Variants in PCLO observed in about 807,000 individuals in gnomAD.
PCLO encodes piccolo presynaptic cytomatrix protein, also known as protein piccolo.
PCLO carries 82 observed loss-of-function variants against 427.5 expected under a neutral mutation model. That is an observed-to-expected ratio of 0.19 (90% CI 0.16 to 0.23). PCLO has a LOEUF of 0.23. PCLO is among the 10% of genes least tolerant of loss of function. The probability of loss-of-function intolerance (pLI) is 1.00; values close to 1 mark genes in which losing one functional copy is unlikely to be tolerated. For missense variants in PCLO, 6,239 were observed against 6,115.9 expected (o/e 1.02, Z -0.67); for synonymous variants, 2,357 against 2,155.4 (o/e 1.09, Z -2.59).
intron 7 of PCLO, among the ~76,000 whole-genome samples, chr7:82,913,451 G>A (rs568413384): frequency 1.3e-5 from 2 of 151,938 alleles, no homozygotes; most frequent in African/African-American, 4.8e-5. Context: ...TAGTTCTTTG[G>A]AGTCTCTAAA....
chr7:82,956,221 T>C lies in PCLO; in HGVS notation c.4732A>G (p.Ile1578Val). ...CTAATCTCTTTGAGCTGGTTTCTGA[T>C]GAACTCATCATCTTCAGAACCTGAA... The part of the protein sequence containing the change: ...DASGSEDDEF[I>V]RNQLKEISSS... Residue 1578 changes from isoleucine (I) to valine (V), a missense_variant, in exon 5 of 25, where the codon ATC becomes GTC. Ile to Val is a conservative substitution (Grantham distance 29). This residue lies in a region of PCLO where 4,677 missense variants were observed against 4,468.4 expected (regional missense o/e 1.05). Coordinates refer to ENST00000333891, the MANE Select transcript of PCLO (RefSeq NM_033026.6). 3 of 1,610,932 alleles carry C rather than the reference T, an allele frequency of 1.9e-6. No homozygotes were observed. The highest frequency in any genetic ancestry group is 2.5e-6 in the Non-Finnish European group (3 of 1,179,846).
At chr7:82,929,992 G>C (rs895651838) in intron 6 of PCLO, among the ~76,000 whole-genome samples, 8 of 152,126 alleles carry the variant, frequency 5.3e-5, no homozygotes, top group Non-Finnish European at 1.2e-4. Flanking sequence ...AGCTTTCAGA[G>C]CTTAGAAAAA....
In PCLO at chr7:82,906,714, T is replaced by C. The variant is rs184455981; in HGVS notation, c.13437+2163A>G. 1.2e-3 allele frequency among the ~76,000 whole-genome samples: 189 copies of C among 152,142 alleles called. 2 individuals are homozygous for C. Among genetic ancestry groups the C allele is most frequent in the Non-Finnish European group, 9.3e-4 (63 of 67,972 alleles). On this transcript the variant is annotated intron_variant, in intron 8 of 24. Coordinates refer to ENST00000333891, the MANE Select transcript of PCLO (RefSeq NM_033026.6). The stretch of plus-strand genomic sequence containing the variant: ...ACAGGCAATGTTCCTTTTTTTGGCC[T>C]GTGTGGCGGTTTCATGGCTGTTCAC...
At chr7:82,834,270 C>G (rs768099497) in intron 16 of PCLO, among the ~76,000 whole-genome samples, 1 of 152,032 alleles carries the variant, frequency 6.6e-6, no homozygotes, top group Non-Finnish European at 1.5e-5. Context: ...AAAAATAACA[C>G]TATTTCTTTG....
chr7:82,820,560 C>T (rs1249990867), intron 20 of PCLO: 13 of 1,226,522 alleles, frequency 1.1e-5, no homozygotes, highest in Non-Finnish European at 1.3e-5. Flanking sequence ...CACTTAACAA[C>T]TATGGAAACA....
intron 3 of PCLO, among the ~76,000 whole-genome samples, chr7:83,001,852 G>A (rs935555233): frequency 5.9e-5 from 9 of 151,912 alleles, no homozygotes; most frequent in South Asian, 2.1e-4. Context: ...CTCTGCTTGC[G>A]CTGTTTGTTG....
intron 6 of PCLO, among the ~76,000 whole-genome samples, chr7:82,925,763 A>C (rs1364984694): frequency 1.6e-5 from 2 of 124,552 alleles, no homozygotes; most frequent in Non-Finnish European, 3.1e-5. Flanking sequence ...TCTGTTGTCC[A>C]GGCTGAAGTG....
At chr7:82,768,559 C>A (rs1193491834) in intron 22 of PCLO, among the ~76,000 whole-genome samples, 2 of 151,570 alleles carry the variant, frequency 1.3e-5, no homozygotes, top group Non-Finnish European at 2.9e-5. Context: ...TCATTTTTTC[C>A]TTAAAATACA....
At chr7:82,973,236 A>G (rs1320887277) in intron 3 of PCLO, among the ~76,000 whole-genome samples, 8 of 152,092 alleles carry the variant, frequency 5.3e-5, no homozygotes, top group Non-Finnish European at 4.4e-5. Flanking sequence ...GTCCCTTCAA[A>G]AAATAAATGA....
At chr7:83,041,808 T>C (rs1294857809) in intron 3 of PCLO, among the ~76,000 whole-genome samples, 4 of 152,184 alleles carry the variant, frequency 2.6e-5, no homozygotes, top group Non-Finnish European at 5.9e-5. Context: ...CCTAAAGAAA[T>C]GAAAATATTA....
chr7:83,048,771 C>T (rs1249938539), intron 3 of PCLO, among the ~76,000 whole-genome samples: 2 of 152,030 alleles, frequency 1.3e-5, no homozygotes, highest in Admixed American at 6.6e-5. Flanking sequence ...TCTATTCTCA[C>T]CTACTGATGG....
rs890022424 is a variant in PCLO at position 82,758,406 on chromosome 7, T to G, written c.*169A>C. On this transcript the variant is annotated 3_prime_UTR_variant, in exon 25 of 25. Transcript: ENST00000333891. ...ATGTGAACTTTTTCAGTTGAATATC[T>G]TTGTGTGATCCACAACAATAAATGT... 4.6e-5 allele frequency: 24 copies of G among 519,662 alleles called. No homozygotes were observed. The highest frequency in any genetic ancestry group is 4.5e-4 in the African/African-American group (23 of 51,256). 32.2% of individuals were successfully genotyped at this position (519,662 alleles called of 1,614,324 possible). A position where few individuals can be genotyped will look rare whatever the true frequency, so the allele number is the denominator to read the frequency against.
At chr7:82,817,430 A>G (rs1247480381) in intron 20 of PCLO, among the ~76,000 whole-genome samples, 2 of 152,248 alleles carry the variant, frequency 1.3e-5, no homozygotes, top group South Asian at 2.1e-4. Flanking sequence ...CCTTCTGACC[A>G]GAAGTGATCA....
At chr7:83,106,930 A>G (rs1403453185) in intron 3 of PCLO, among the ~76,000 whole-genome samples, 1 of 150,044 alleles carries the variant, frequency 6.7e-6, no homozygotes, top group African/African-American at 2.5e-5. Context: ...TATTTAATCA[A>G]TATGATCTAA....
At chr7:82,819,169 G>A (rs1310362479) in intron 20 of PCLO, among the ~76,000 whole-genome samples, 1 of 151,896 alleles carries the variant, frequency 6.6e-6, no homozygotes, top group Non-Finnish European at 1.5e-5. Context: ...AGAAAACAAG[G>A]CTTTTTAATT....
intron 3 of PCLO, among the ~76,000 whole-genome samples, chr7:83,057,992 G>C (rs1978176): frequency 1.3e-5 from 2 of 151,954 alleles, no homozygotes; most frequent in Non-Finnish European, 2.9e-5. Context: ...TGTCTTCAGG[G>C]AATAGAATAT....
intron 10 of PCLO, among the ~76,000 whole-genome samples, chr7:82,858,398 A>G (rs905588388): frequency 3.9e-5 from 6 of 152,164 alleles, no homozygotes; most frequent in African/African-American, 1.4e-4. Flanking sequence ...TTTCTCTAAG[A>G]TGTTGGTATC....
chr7:82,843,023 T>C (rs1053328576), intron 13 of PCLO, among the ~76,000 whole-genome samples: 3 of 151,992 alleles, frequency 2.0e-5, no homozygotes, highest in Non-Finnish European at 4.4e-5. Flanking sequence ...AAAATAGAGC[T>C]ACCATATGAT....
In PCLO at chr7:83,038,990, C is replaced by G. The variant is rs574101397; in HGVS notation, c.3301-72503G>C. Among the ~76,000 whole-genome samples, 6 of 152,038 alleles carry G rather than the reference C, an allele frequency of 3.9e-5. No homozygotes were observed. The South Asian group carries it at 6.2e-4, about 16-fold the overall frequency. On this transcript the variant is annotated intron_variant, in intron 3 of 24. Transcript: ENST00000333891. The stretch of plus-strand genomic sequence containing the variant: ...GTATTTCCCTGATGACTAAAGATGT[C>G]AAGCATGCATTTATTGGCCATTTGT...
Sources: gnomAD v4.1 joint callset for allele counts (sites outside exome capture counted in the v4.1 genomes callset) on GRCh38, gnomAD v4.1.1 for gene constraint, gnomAD v4.1.1 regional missense constraint, MANE v1.5 for transcripts, NCBI Gene and HGNC (gene_info 2026-07-23, HGNC 2026-07-21) for gene names.